The following CADM2 variants were observed in gnomAD, a reference collection of about 807,000 sequenced individuals.
CADM2 encodes cell adhesion molecule 2, also known as immunoglobulin superfamily member 4D.
A neutral mutation model predicts 49.8 loss-of-function variants in CADM2; 12 were observed. The ratio of observed to expected loss-of-function variants is 0.24; its 90% confidence interval spans 0.15 to 0.39. The LOEUF is 0.39. CADM2 is among the 10% of genes least tolerant of loss of function. The probability of loss-of-function intolerance (pLI) is 1.00; values close to 1 mark genes in which losing one functional copy is unlikely to be tolerated. For missense variants in CADM2, 378 were observed against 492.3 expected (o/e 0.77, Z 2.20); for synonymous variants, 214 against 175.4 (o/e 1.22, Z -1.74).
At chr3:85,072,273 A>G (rs963912880) in intron 1 of CADM2, among the ~76,000 whole-genome samples, 5 of 152,056 alleles carry the variant, frequency 3.3e-5, no homozygotes, top group Admixed American at 1.3e-4. Context: ...CATATTTTTA[A>G]AAGATTAATC....
In CADM2 at chr3:84,959,640, C is replaced by G. The variant is rs1490405404; in HGVS notation, c.33C>G (p.Phe11Leu). ...GGAAACGCAGCGCCGTTCTCCGCTT[C>G]TACAGTGTCTGCGGGCTCCTGCTAC... The part of the protein sequence containing the change: MIWKRSAVLR[F>L]YSVCGLLLQA... The change falls in exon 1 of 10, where the codon TTC becomes TTG. Residue 11 changes from phenylalanine to leucine, a missense_variant. By Grantham distance (22) the Phe-to-Leu change is conservative. Coordinates refer to ENST00000383699, the MANE Select transcript of CADM2 (RefSeq NM_001167675.2). 2 of 1,537,164 alleles carry G rather than the reference C, an allele frequency of 1.3e-6. No homozygotes were observed. The highest frequency in any genetic ancestry group is 2.0e-5 in the Admixed American group (1 of 51,006).
intron 1 of CADM2, among the ~76,000 whole-genome samples, chr3:85,682,921 T>A (rs1169577142): frequency 1.3e-5 from 2 of 152,102 alleles, no homozygotes; most frequent in East Asian, 3.9e-4. Context: ...CTTCAGAGCC[T>A]AGAAGATTTT....
chr3:85,528,430 C>G (rs368727515), intron 1 of CADM2, among the ~76,000 whole-genome samples: 98 of 152,232 alleles, frequency 6.4e-4, no homozygotes, highest in Middle Eastern at 3.4e-3. Flanking sequence ...GGTTCAAATC[C>G]CAGCTCTTTC....
intron 1 of CADM2, among the ~76,000 whole-genome samples, chr3:85,575,244 C>A (rs1282227433): frequency 6.6e-6 from 1 of 152,030 alleles, no homozygotes. Flanking sequence ...ATGAACTTAC[C>A]AAAAATATAC....
intron 1 of CADM2, among the ~76,000 whole-genome samples, chr3:85,472,629 G>A (rs2038815666): frequency 6.6e-6 from 1 of 151,822 alleles, no homozygotes; most frequent in Non-Finnish European, 1.5e-5. Context: ...ATTCTCCTTT[G>A]GCTTGGATAA....
At chr3:85,175,891 C>G (rs940540334) in intron 1 of CADM2, among the ~76,000 whole-genome samples, 3 of 148,944 alleles carry the variant, frequency 2.0e-5, no homozygotes, top group African/African-American at 5.0e-5. Context: ...ATAAATGACA[C>G]CACAGTTTAT....
In CADM2 at chr3:85,740,391, T is replaced by C. The variant is rs113933031; in HGVS notation, c.88+13843T>C. 5.8e-3 allele frequency among the ~76,000 whole-genome samples: 884 copies of C among 152,298 alleles called. 12 individuals are homozygous for C. Among genetic ancestry groups the C allele is most frequent in the African/African-American group, 0.021 (856 of 41,570 alleles). On this transcript the variant is annotated intron_variant, in intron 2 of 9. Coordinates refer to ENST00000383699, the MANE Select transcript of CADM2 (RefSeq NM_001167675.2). ...TCTTCCTGGCACTGTGGAGGTCAAATGATTCATAATTTTCAATACTAATTC... is the reference window on the plus strand; with the variant it reads ...TCTTCCTGGCACTGTGGAGGTCAAACGATTCATAATTTTCAATACTAATTC...
chr3:85,601,512 T>C (rs2107398151), intron 1 of CADM2, among the ~76,000 whole-genome samples: 1 of 151,574 alleles, frequency 6.6e-6, no homozygotes, highest in East Asian at 1.9e-4. Flanking sequence ...TGTTTTTGTT[T>C]TTGTCATTTA....
At chr3:85,486,706 G>GAA (rs11435891) in intron 1 of CADM2, among the ~76,000 whole-genome samples, 1 of 151,478 alleles carries the variant, frequency 6.6e-6, no homozygotes, top group Admixed American at 6.6e-5. Flanking sequence ...AGACCAATTG[G>GAA]AATGTGTATA....
intron 8 of CADM2, among the ~76,000 whole-genome samples, chr3:85,987,846 C>A (rs1043421294): frequency 7.9e-5 from 12 of 151,380 alleles, no homozygotes; most frequent in Non-Finnish European, 1.2e-4. Flanking sequence ...ATTTCTAGAA[C>A]ATCTCTAAAT....
chr3:85,053,897 TA>T (rs1264896297), intron 1 of CADM2, among the ~76,000 whole-genome samples: 1 of 151,982 alleles, frequency 6.6e-6, no homozygotes, highest in Non-Finnish European at 1.5e-5. Flanking sequence ...GAAATGTTTT[TA>T]GTTAATTGAA....
rs1223626269 is a variant in CADM2, at chr3:85,970,816, AT to A, written c.970+9172del. Among the ~76,000 whole-genome samples the A allele has an allele frequency of 1.3e-4, 19 of 151,574 alleles. No homozygotes were observed. In the Admixed American group the frequency reaches 1.3e-3, roughly 10 times the overall value. ...GGAAGCTACTTTAATCTTTGATGAA[AT>A]TTATATATTAAATGAGAAGCGGTAT... is the stretch of plus-strand genomic sequence containing the variant. On this transcript the variant is annotated intron_variant, in intron 8 of 9. Transcript: ENST00000383699.
At chr3:86,005,867 A>G (rs2106858231) in intron 8 of CADM2, among the ~76,000 whole-genome samples, 1 of 152,132 alleles carries the variant, frequency 6.6e-6, no homozygotes, top group Non-Finnish European at 1.5e-5. Context: ...CAACCCCCCG[A>G]CAGGACCCTT....
chr3:86,005,798 G>A (rs1306624512), intron 8 of CADM2, among the ~76,000 whole-genome samples: 1 of 152,060 alleles, frequency 6.6e-6, no homozygotes, highest in African/African-American at 2.4e-5. Context: ...GCTGTCAAAT[G>A]GTAGGTCTTA....
intron 1 of CADM2, among the ~76,000 whole-genome samples, chr3:85,672,205 T>A (rs2065760399): frequency 6.6e-6 from 1 of 150,608 alleles, no homozygotes; most frequent in African/African-American, 2.4e-5. Context: ...TTTTTTTTTT[T>A]TTTTTGAGAC....
chr3:86,017,037 A>G (rs896064045), intron 8 of CADM2, among the ~76,000 whole-genome samples: 2 of 151,956 alleles, frequency 1.3e-5, no homozygotes, highest in Admixed American at 6.6e-5. Context: ...TAACCACTGT[A>G]TATCAAACAG....
chr3:85,595,049 C>T (rs1172771257), intron 1 of CADM2, among the ~76,000 whole-genome samples: 2 of 152,052 alleles, frequency 1.3e-5, no homozygotes, highest in Non-Finnish European at 2.9e-5. Context: ...TTTCAAGTTA[C>T]ATTTAACAAG....
At chr3:85,659,309 A>G (rs1020844796) in intron 1 of CADM2, among the ~76,000 whole-genome samples, 1 of 151,892 alleles carries the variant, frequency 6.6e-6, no homozygotes, top group Non-Finnish European at 1.5e-5. Context: ...TTCTTTTAAT[A>G]TTATAATTTT....
chr3:85,994,601 T>G (rs1438712458), intron 8 of CADM2: 1 of 152,208 alleles, frequency 6.6e-6, no homozygotes, highest in Non-Finnish European at 1.5e-5. Context: ...CTTCATCATT[T>G]CTAGCTTCTG....
Sources: allele counts gnomAD v4.1 joint callset (sites outside exome capture counted in the v4.1 genomes callset), GRCh38; gene constraint gnomAD v4.1.1; transcripts MANE v1.5; gene names NCBI Gene and HGNC (gene_info 2026-07-23, HGNC 2026-07-21).